SLC39A5: variants seen among roughly 807,000 people sequenced by gnomAD.
SLC39A5 encodes zinc transporter ZIP5.
A neutral mutation model predicts 46.9 loss-of-function variants in SLC39A5; 42 were observed. That is an observed-to-expected ratio of 0.90 (90% CI 0.70 to 1.16). The LOEUF (loss-of-function observed/expected upper bound fraction) is 1.16, where lower values mean the gene tolerates loss of function less well. Among genes scored for constraint, SLC39A5 ranks in the 50% most tolerant of loss-of-function variants. SLC39A5 has a pLI of 0.00. For synonymous variants in SLC39A5, 311 were observed against 323.1 expected (o/e 0.96, Z 0.40); for missense variants, 677 against 686.8 (o/e 0.99, Z 0.16).
At chr12:56,232,412 C>T (rs1870313836) in intron 4 of SLC39A5, among the ~76,000 whole-genome samples, 1 of 151,900 alleles carries the variant, frequency 6.6e-6, no homozygotes, top group South Asian at 2.1e-4. Flanking sequence ...GTGATCCACC[C>T]ACCTCAGCCT....
Position 56,231,426 on chromosome 12 carries a change from G to C in SLC39A5, c.152G>C (p.Gly51Ala). 1 of 1,614,162 alleles carries C rather than the reference G, an allele frequency of 6.2e-7. No individual in the cohort carries two copies. The change falls in exon 4 of 13, where the codon GGG becomes GCG. Residue 51 changes from glycine (G) to alanine (A), a missense_variant. Physicochemically the swap from Gly to Ala is moderately conservative, Grantham distance 60. Transcript: ENST00000454355. ...AQLFGLYGEN[G>A]TLTAGGLARL... is the part of the protein sequence containing the mutation. Reference sequence around the variant, plus strand: ...CTGTTTGGCCTGTACGGCGAGAATGGGACGCTGACTGCAGGGGGCTTGGCG... The same window carrying C: ...CTGTTTGGCCTGTACGGCGAGAATGCGACGCTGACTGCAGGGGGCTTGGCG...
intron 4 of SLC39A5, 31 bp from the exon 5 acceptor site, chr12:56,232,658 G>C: frequency 6.4e-7 from 1 of 1,566,764 alleles, no homozygotes. Flanking sequence ...AGAACACAAG[G>C]GAGGCTGACT....
At position 56,237,791 on chromosome 12, in the gene SLC39A5, C is replaced by G; in HGVS notation, c.*60C>G. On this transcript the variant is annotated 3_prime_UTR_variant, in exon 13 of 13. Transcript: ENST00000454355. The stretch of plus-strand genomic sequence containing the variant: ...TTCCCCCCAACCACAGGAATGGAGG[C>G]GGGACACAGGGCCAGTAGGAGCAAT... The G allele has an allele frequency of 6.7e-7, 1 of 1,489,392 alleles. No individual in the cohort carries two copies. Among genetic ancestry groups the G allele is most frequent in the South Asian group, 1.4e-5 (1 of 72,998 alleles). 92.3% of individuals were successfully genotyped at this position (1,489,392 alleles called of 1,614,324 possible).
intron 8 of SLC39A5, 73 bp downstream of exon 8, chr12:56,235,773 G>C (rs762796756): frequency 6.3e-7 from 1 of 1,583,348 alleles, no homozygotes; most frequent in South Asian, 1.1e-5. Context: ...GGCCGGGCGC[G>C]GTGGCTCACG....
rs1364586270 is a variant in SLC39A5 at position 56,237,284 on chromosome 12, C to T, written c.1423C>T (p.Pro475Ser). Reference sequence around the variant, plus strand: ...CAGCCTGGGCCCTGTCCCCCTCACTCCCTGGGTGTTTGGGGTCACTGCTGG... The same window carrying T: ...CAGCCTGGGCCCTGTCCCCCTCACTTCCTGGGTGTTTGGGGTCACTGCTGG... ...GLSLGPVPLT[P>S]WVFGVTAGVF... The change falls in exon 12 of 13, where the codon CCC (proline) becomes TCC (serine). Residue 475 changes from proline to serine, a missense_variant. Pro to Ser is a moderately conservative substitution (Grantham distance 74). Transcript: ENST00000454355. The T allele has an allele frequency of 1.2e-6, 2 of 1,613,102 alleles. No homozygotes were observed. Among genetic ancestry groups the T allele is most frequent in the Non-Finnish European group, 1.7e-6 (2 of 1,179,564 alleles).
chr12:56,230,054 T>C lies in SLC39A5; in HGVS notation c.-239T>C, dbSNP rs1394697007. The stretch of plus-strand genomic sequence containing the variant: ...GGTGACCCTTGCCCGCCTGCCTGCC[T>C]GCCCCCCCAGCTGGAACCAAGAAGG... On this transcript the variant is annotated 5_prime_UTR_variant, in exon 1 of 13. Transcript: ENST00000454355. 2.7e-4 allele frequency: 7 copies of C among 26,286 alleles called. No individual in the cohort carries two copies. The highest frequency in any genetic ancestry group is 3.2e-4 in the African/African-American group (7 of 21,772). 1.6% of individuals were successfully genotyped at this position (26,286 alleles called of 1,614,324 possible). A position where few individuals can be genotyped will look rare whatever the true frequency, so the allele number is the denominator to read the frequency against.
intron 12 of SLC39A5, 112 bp downstream of exon 12, chr12:56,237,452 C>G: frequency 6.5e-7 from 1 of 1,535,534 alleles, no homozygotes; most frequent in Non-Finnish European, 8.8e-7. Context: ...GGCGTCAGAC[C>G]ATAGGCCCGC....
intron 1 of SLC39A5, 49 bp from the exon 2 acceptor site, chr12:56,230,191 G>A (rs1468019737): frequency 6.5e-6 from 1 of 152,696 alleles, no homozygotes; most frequent in Non-Finnish European, 1.5e-5. Context: ...TTTAGGCCAG[G>A]TCAGACATCA....
In SLC39A5 at chr12:56,234,156, A is replaced by T. The variant is rs183739957; in HGVS notation, c.472-668A>T. Among the ~76,000 whole-genome samples, 1,347 of 151,138 alleles carry T rather than the reference A, an allele frequency of 8.9e-3. 17 individuals carry two copies. The highest frequency in any genetic ancestry group is 0.026 in the African/African-American group (1,063 of 41,166). On this transcript the variant is annotated intron_variant, in intron 5 of 12. Coordinates refer to ENST00000454355, the MANE Select transcript of SLC39A5 (RefSeq NM_173596.3). The stretch of plus-strand genomic sequence containing the variant: ...GGACAGGTGTTAAATATATATATAT[A>T]TATTTTTTTGAGGTAGAGTCTGACT...
intron 5 of SLC39A5, among the ~76,000 whole-genome samples, chr12:56,234,407 T>C (rs1032464363): frequency 6.6e-6 from 1 of 151,362 alleles, no homozygotes; most frequent in Non-Finnish European, 1.5e-5. Context: ...CTCTGCCTCC[T>C]GGGTTCAAGC....
At chr12:56,235,351 C>A in intron 7 of SLC39A5, 25 bp downstream of exon 7, 1 of 1,507,744 alleles carries the variant, frequency 6.6e-7, no homozygotes, top group Non-Finnish European at 8.8e-7. Flanking sequence ...TTCCTTGTAC[C>A]CCTGGCCTCC....
intron 8 of SLC39A5, 71 bp from the exon 9 acceptor site, chr12:56,236,325 T>C: frequency 7.1e-7 from 1 of 1,403,070 alleles, no homozygotes; most frequent in South Asian, 1.2e-5. Flanking sequence ...CTTCCCAGCT[T>C]GTGGCCTGGC....
At position 56,232,643 on chromosome 12, in the gene SLC39A5, G is replaced by T. The variant is rs759375752; in HGVS notation, c.288-46G>T. 10 of 1,529,922 alleles carry T rather than the reference G, an allele frequency of 6.5e-6. No homozygotes were observed. The South Asian group carries it at 1.1e-4, about 17-fold the overall frequency. 94.8% of individuals were successfully genotyped at this position (1,529,922 alleles called of 1,614,324 possible). ...CCCTGGGAGCCTCTCAAAGCGGGTT[G>T]ATAGAGAACACAAGGGAGGCTGACT... On this transcript the variant is annotated intron_variant, in intron 4 of 12. Coordinates refer to ENST00000454355, the MANE Select transcript of SLC39A5 (RefSeq NM_173596.3).
Position 56,232,862 on chromosome 12 carries a change from T to C in SLC39A5, c.461T>C (p.Leu154Pro), listed in dbSNP as rs749974884. 2 of 1,610,704 alleles carry C rather than the reference T, an allele frequency of 1.2e-6. No homozygotes were observed. The highest frequency in any genetic ancestry group is 8.5e-7 in the Non-Finnish European group (1 of 1,178,646). Residue 154 changes from leucine (L) to proline (P), a missense_variant, in exon 5 of 13, where the codon CTG becomes CCG. By Grantham distance (98) the Leu-to-Pro change is moderately conservative. Coordinates refer to ENST00000454355, the MANE Select transcript of SLC39A5 (RefSeq NM_173596.3). Reference protein sequence around the residue: ...LLLDHSLADHLNEDCLNGSQL... With the variant: ...LLLDHSLADHPNEDCLNGSQL... ...CTGGACCACTCATTGGCTGACCACC[T>C]GAATGAGGATGTGAGTCTGACGGTC...
intron 5 of SLC39A5, 115 bp from the exon 6 acceptor site, chr12:56,234,709 C>G: frequency 8.7e-7 from 1 of 1,145,964 alleles, no homozygotes; most frequent in Non-Finnish European, 1.3e-6. Context: ...GATACACCCG[C>G]CTGGGCCTCT....
intron 4 of SLC39A5, among the ~76,000 whole-genome samples, chr12:56,232,333 T>C (rs1032665566): frequency 1.3e-5 from 2 of 151,886 alleles, no homozygotes; most frequent in African/African-American, 4.8e-5. Flanking sequence ...GCCGGGCTAA[T>C]TTTTGCAATT....
intron 4 of SLC39A5, 118 bp downstream of exon 4, chr12:56,231,679 A>G: frequency 9.0e-7 from 1 of 1,106,010 alleles, no homozygotes; most frequent in Non-Finnish European, 1.3e-6. Flanking sequence ...ATTCTTCAGA[A>G]CCGAGCTCCT....
chr12:56,235,088 C>T, intron 6 of SLC39A5, 69 bp from the exon 7 acceptor site: 6 of 1,570,682 alleles, frequency 3.8e-6, no homozygotes, highest in Non-Finnish European at 5.2e-6. Flanking sequence ...GTAGTGTTCT[C>T]TCTGCTCCAC....
chr12:56,236,800 A>G, intron 10 of SLC39A5, 54 bp downstream of exon 10: 1 of 1,576,824 alleles, frequency 6.3e-7, no homozygotes, highest in Non-Finnish European at 8.6e-7. Context: ...CAGGGCTCCT[A>G]GTTATCAGCT....
Sources: allele counts gnomAD v4.1 joint callset (sites outside exome capture counted in the v4.1 genomes callset), GRCh38; gene constraint gnomAD v4.1.1; transcripts MANE v1.5; gene names NCBI Gene and HGNC (gene_info 2026-07-23, HGNC 2026-07-21).